Variants in HDAC9 observed in about 807,000 individuals in gnomAD.
HDAC9 encodes the protein histone deacetylase 9, also known as MEF-2 interacting transcription repressor (MITR) protein.
A neutral mutation model predicts 139.4 loss-of-function variants in HDAC9; 41 were observed. That is an observed-to-expected ratio of 0.29 (90% CI 0.23 to 0.38). The LOEUF (loss-of-function observed/expected upper bound fraction) is 0.38, where lower values mean the gene tolerates loss of function less well. Ranked by LOEUF, HDAC9 falls within the 10% of genes least tolerant of loss-of-function variation. The probability of loss-of-function intolerance (pLI) is 1.00; values close to 1 mark genes in which losing one functional copy is unlikely to be tolerated. For synonymous variants in HDAC9, 517 were observed against 476.2 expected, an observed-to-expected ratio of 1.09 and a Z score of -1.12; for missense variants, 1,147 against 1,297.0, an observed-to-expected ratio of 0.88 and a Z score of 1.78.
chr7:18,113,995 A>G (rs1223837462), intron 1 of HDAC9, among the ~76,000 whole-genome samples: 1 of 152,164 alleles, frequency 6.6e-6, no homozygotes, highest in Non-Finnish European at 1.5e-5. Flanking sequence ...CTGTAGTTAC[A>G]TTCCCCCTCA....
chr7:18,190,304 C>A (rs1283113467), intron 2 of HDAC9, among the ~76,000 whole-genome samples: 1 of 152,050 alleles, frequency 6.6e-6, no homozygotes, highest in Non-Finnish European at 1.5e-5. Flanking sequence ...TACATAGATA[C>A]ATATACATAT....
chr7:18,880,382 C>T (rs1222223728), intron 22 of HDAC9, among the ~76,000 whole-genome samples: 1 of 152,112 alleles, frequency 6.6e-6, no homozygotes, highest in Non-Finnish European at 1.5e-5. Context: ...GCACTATTCA[C>T]AATAGCAGTG....
intron 2 of HDAC9, among the ~76,000 whole-genome samples, chr7:18,272,913 G>GCTACTACTACTACTA (rs149171355): frequency 6.9e-6 from 1 of 144,586 alleles, no homozygotes; most frequent in Admixed American, 6.9e-5. Flanking sequence ...CTAGACTACT[G>GCTACTACTACTACTA]CTACTACTAC....
chr7:18,488,101 G>C (rs1796104674), intron 1 of HDAC9, among the ~76,000 whole-genome samples: 1 of 151,910 alleles, frequency 6.6e-6, no homozygotes, highest in African/African-American at 2.4e-5. Flanking sequence ...ATCCTTAACT[G>C]GACTTCTAGA....
intron 17 of HDAC9, among the ~76,000 whole-genome samples, chr7:18,828,613 G>A (rs1405547164): frequency 6.6e-6 from 1 of 152,072 alleles, no homozygotes; most frequent in South Asian, 2.1e-4. Flanking sequence ...AAGAAATATG[G>A]GCTTTCCATT....
chr7:18,635,747 CA>C (rs1431816894), intron 8 of HDAC9, among the ~76,000 whole-genome samples: 5 of 152,134 alleles, frequency 3.3e-5, no homozygotes, highest in Admixed American at 6.6e-5. Flanking sequence ...TACCTTGAGA[CA>C]GAAAGGGACT....
intron 1 of HDAC9, among the ~76,000 whole-genome samples, chr7:18,126,642 T>A (rs925116510): frequency 1.3e-5 from 2 of 152,190 alleles, no homozygotes; most frequent in African/African-American, 4.8e-5. Flanking sequence ...TTTTATTAGC[T>A]TCAATTCTGT....
intron 1 of HDAC9, among the ~76,000 whole-genome samples, chr7:18,392,309 TCTCTCTCA>T (rs1201594377): frequency 1.8e-3 from 242 of 131,320 alleles, no homozygotes; most frequent in East Asian, 0.014. Flanking sequence ...TCTCTCTCTC[TCTCTCTCA>T]CACACACACA....
At chr7:18,592,481 A>G (rs1384162184) in intron 5 of HDAC9, among the ~76,000 whole-genome samples, 1 of 152,136 alleles carries the variant, frequency 6.6e-6, no homozygotes, top group East Asian at 1.9e-4. Flanking sequence ...TTTCTTTCTT[A>G]GAAGTGTTTG....
chr7:18,751,477 A>G (rs916698747), intron 14 of HDAC9, among the ~76,000 whole-genome samples: 2 of 152,114 alleles, frequency 1.3e-5, no homozygotes, highest in Non-Finnish European at 2.9e-5. Context: ...TATGTTGCCG[A>G]TATTATTTAT....
At chr7:18,664,241 A>G (rs777968854) in intron 11 of HDAC9, among the ~76,000 whole-genome samples, 1 of 152,154 alleles carries the variant, frequency 6.6e-6, no homozygotes, top group East Asian at 1.9e-4. Context: ...ACCATGAGTA[A>G]ATGAATGTCC....
At chr7:18,604,592 G>C (rs1344438179) in intron 6 of HDAC9, among the ~76,000 whole-genome samples, 2 of 151,808 alleles carry the variant, frequency 1.3e-5, no homozygotes, top group Admixed American at 1.3e-4. Context: ...AGTAGAGACG[G>C]GTTTCACCAT....
At chr7:18,786,901 T>A (rs547553665) in intron 16 of HDAC9, among the ~76,000 whole-genome samples, 3 of 150,632 alleles carry the variant, frequency 2.0e-5, no homozygotes, top group Admixed American at 6.7e-5. Context: ...CCCCTGCTGA[T>A]GCACATTACC....
At chr7:18,696,772 GTTC>G (rs1783083795) in intron 12 of HDAC9, among the ~76,000 whole-genome samples, 1 of 152,030 alleles carries the variant, frequency 6.6e-6, no homozygotes, top group Non-Finnish European at 1.5e-5. Context: ...CCAGCCAGTT[GTTC>G]TTATTATTAC....
intron 24 of HDAC9, among the ~76,000 whole-genome samples, chr7:18,972,366 T>G (rs1784293435): frequency 7.1e-6 from 1 of 141,428 alleles, no homozygotes; most frequent in African/African-American, 2.7e-5. Context: ...TCGATGAACT[T>G]CTCTTTTTTT....
At chr7:18,960,009 A>AACACAC (rs58030908) in intron 24 of HDAC9, among the ~76,000 whole-genome samples, 34,841 of 148,818 alleles carry the variant, frequency 0.23, 4,497 homozygotes, top group Non-Finnish European at 0.31. Context: ...TGTTGTTTTA[A>AACACAC]ACACACACAC....
At chr7:18,837,270 T>C (rs370844390) in intron 21 of HDAC9, among the ~76,000 whole-genome samples, 18 of 152,026 alleles carry the variant, frequency 1.2e-4, no homozygotes, top group African/African-American at 4.3e-4. Flanking sequence ...TAAAATTTTC[T>C]ACCGTCAACT....
intron 8 of HDAC9, among the ~76,000 whole-genome samples, chr7:18,641,250 C>T (rs1433134347): frequency 6.6e-6 from 1 of 152,022 alleles, no homozygotes; most frequent in Non-Finnish European, 1.5e-5. Context: ...CTCCTATTGA[C>T]ATAACAGGAG....
At chr7:18,409,491 TTGAGAC>T (rs1788341677) in intron 1 of HDAC9, among the ~76,000 whole-genome samples, 5 of 152,166 alleles carry the variant, frequency 3.3e-5, no homozygotes, top group Admixed American at 3.3e-4. Flanking sequence ...TAGTGCCTCT[TTGAGAC>T]TGAGTTTAGA....
Sources: gnomAD v4.1 joint callset for allele counts (sites outside exome capture counted in the v4.1 genomes callset) on GRCh38, gnomAD v4.1.1 for gene constraint, MANE v1.5 for transcripts, NCBI Gene and HGNC (gene_info 2026-07-23, HGNC 2026-07-21) for gene names.